MYO1E: variants seen among roughly 807,000 people sequenced by gnomAD.
The protein encoded by MYO1E is myosin IE, also known as unconventional myosin-Ie.
A neutral mutation model predicts 151.1 loss-of-function variants in MYO1E; 68 were observed. The ratio of observed to expected loss-of-function variants is 0.45; its 90% confidence interval spans 0.37 to 0.55. The LOEUF (loss-of-function observed/expected upper bound fraction) is 0.55, where lower values mean the gene tolerates loss of function less well. Among genes scored for constraint, MYO1E ranks in the 20% least tolerant of loss-of-function variants. MYO1E has a pLI of 0.00. For synonymous variants in MYO1E, 601 were observed against 501.7 expected (o/e 1.20, Z -2.64); for missense variants, 1,363 against 1,389.3 (o/e 0.98, Z 0.30).
chr15:59,351,624 A>T (rs1337318914), intron 1 of MYO1E, among the ~76,000 whole-genome samples: 1 of 152,210 alleles, frequency 6.6e-6, no homozygotes, highest in Non-Finnish European at 1.5e-5. Context: ...GGGGGATAAG[A>T]GTGAAGACCA....
chr15:59,359,141 C>A (rs1373003106), intron 1 of MYO1E, among the ~76,000 whole-genome samples: 1 of 151,876 alleles, frequency 6.6e-6, no homozygotes, highest in Non-Finnish European at 1.5e-5. Context: ...CTGAAAGAAA[C>A]AAGGTTGGGC....
intron 1 of MYO1E, among the ~76,000 whole-genome samples, chr15:59,336,664 A>G (rs557540426): frequency 1.3e-5 from 2 of 152,120 alleles, no homozygotes; most frequent in East Asian, 3.9e-4. Flanking sequence ...GGTTTGTTAC[A>G]TAGGTATACA....
chr15:59,144,229 T>G (rs1239387042), intron 26 of MYO1E, among the ~76,000 whole-genome samples: 1 of 152,080 alleles, frequency 6.6e-6, no homozygotes, highest in Non-Finnish European at 1.5e-5. Context: ...TGCAGTGGCA[T>G]GATCTCGGCT....
intron 2 of MYO1E, among the ~76,000 whole-genome samples, chr15:59,266,258 G>A (rs988677711): frequency 9.2e-5 from 14 of 152,174 alleles, no homozygotes; most frequent in Non-Finnish European, 1.9e-4. Context: ...GGGAAAAGCC[G>A]TTCGGATCAT....
chr15:59,227,687 T>C (rs2080000472), intron 6 of MYO1E, 97 bp from the exon 7 acceptor site: 1 of 1,474,286 alleles, frequency 6.8e-7, no homozygotes. Context: ...GGAAATTCAT[T>C]AATAAAATAC....
intron 9 of MYO1E, among the ~76,000 whole-genome samples, chr15:59,219,676 C>G (rs1364210355): frequency 6.6e-6 from 1 of 152,232 alleles, no homozygotes; most frequent in East Asian, 1.9e-4. Context: ...ATCAAATGCA[C>G]TGATCTGAAA....
At chr15:59,276,629 T>C (rs184999252) in intron 1 of MYO1E, among the ~76,000 whole-genome samples, 32 of 152,330 alleles carry the variant, frequency 2.1e-4, no homozygotes, top group Middle Eastern at 3.4e-3. Context: ...TTCTGGAAAG[T>C]AGGGTACGCC....
intron 1 of MYO1E, among the ~76,000 whole-genome samples, chr15:59,318,182 T>G (rs1394917967): frequency 6.6e-6 from 1 of 152,210 alleles, no homozygotes; most frequent in East Asian, 1.9e-4. Context: ...ATTTAATGAA[T>G]GCCTCTGGTA....
chr15:59,162,585 G>A (rs1327415310), intron 23 of MYO1E, among the ~76,000 whole-genome samples: 1 of 151,026 alleles, frequency 6.6e-6, no homozygotes, highest in Non-Finnish European at 1.5e-5. Flanking sequence ...GGCAGAGGTT[G>A]CAGTGAGCCA....
At chr15:59,293,483 T>C (rs2064014511) in intron 1 of MYO1E, among the ~76,000 whole-genome samples, 1 of 151,190 alleles carries the variant, frequency 6.6e-6, no homozygotes, top group Non-Finnish European at 1.5e-5. Flanking sequence ...GAGGTGGAGG[T>C]TGCAGTGAGC....
In MYO1E at chr15:59,267,384, G is replaced by T. The variant is rs548158335; in HGVS notation, c.147+4922C>A. Among the ~76,000 whole-genome samples the T allele has an allele frequency of 5.3e-5, 8 of 152,308 alleles. No individual in the cohort carries two copies. In the East Asian group the frequency reaches 1.2e-3, roughly 22 times the overall value. ...CAAAACCACCTACGCTGGTCGAGTG[G>T]ACTTCCTTGGGTTCATCCCTGAGGT... is the stretch of plus-strand genomic sequence containing the variant. On this transcript the variant is annotated intron_variant, in intron 2 of 27. Transcript: ENST00000288235.
intron 25 of MYO1E, among the ~76,000 whole-genome samples, chr15:59,157,215 C>T (rs1164119265): frequency 5.9e-5 from 9 of 151,958 alleles, no homozygotes; most frequent in Admixed American, 5.9e-4. Flanking sequence ...ACTGAGACCC[C>T]ATCCCAAAAA....
At chr15:59,322,674 T>C (rs1435398243) in intron 1 of MYO1E, among the ~76,000 whole-genome samples, 1 of 152,156 alleles carries the variant, frequency 6.6e-6, no homozygotes, top group African/African-American at 2.4e-5. Flanking sequence ...AGAGGGAAAG[T>C]GAAATCTAAT....
intron 1 of MYO1E, among the ~76,000 whole-genome samples, chr15:59,347,975 G>A (rs2140433063): frequency 6.6e-6 from 1 of 152,288 alleles, no homozygotes; most frequent in Middle Eastern, 3.4e-3. Context: ...ATTCCACACA[G>A]CTGTAAAGCA....
intron 4 of MYO1E, among the ~76,000 whole-genome samples, chr15:59,252,211 T>C (rs1354060762): frequency 1.3e-5 from 2 of 152,208 alleles, no homozygotes; most frequent in South Asian, 2.1e-4. Flanking sequence ...TAAAGAACTA[T>C]AGGCACTGAA....
chr15:59,359,308 T>C (rs1372240757), intron 1 of MYO1E, among the ~76,000 whole-genome samples: 1 of 143,566 alleles, frequency 7.0e-6, no homozygotes, highest in Non-Finnish European at 1.5e-5. Context: ...TGTGTATATA[T>C]ATATAATATA....
chr15:59,294,350 C>T (rs886752507), intron 1 of MYO1E, among the ~76,000 whole-genome samples: 10 of 152,126 alleles, frequency 6.6e-5, no homozygotes, highest in African/African-American at 2.4e-4. Flanking sequence ...CTAAATAGAT[C>T]TGTATAAAAT....
intron 5 of MYO1E, among the ~76,000 whole-genome samples, chr15:59,235,775 T>A (rs1010828765): frequency 2.0e-5 from 3 of 152,360 alleles, no homozygotes; most frequent in East Asian, 1.9e-4. Flanking sequence ...ATGTACTAGT[T>A]CATCTCCTAC....
chr15:59,167,647 A>G (rs1398051067), intron 22 of MYO1E, among the ~76,000 whole-genome samples: 1 of 152,170 alleles, frequency 6.6e-6, no homozygotes, highest in Non-Finnish European at 1.5e-5. Context: ...GAAGCCAGAA[A>G]TGCAAGCGTC....
Sources: allele counts gnomAD v4.1 joint callset (sites outside exome capture counted in the v4.1 genomes callset), GRCh38; gene constraint gnomAD v4.1.1; transcripts MANE v1.5; gene names NCBI Gene and HGNC (gene_info 2026-07-23, HGNC 2026-07-21).